Variants in NOL4L observed in about 807,000 individuals in gnomAD.
NOL4L encodes the protein nucleolar protein 4 like, also known as nucleolar protein 4-like.
A neutral mutation model predicts 64.5 loss-of-function variants in NOL4L; 7 were observed. The ratio of observed to expected loss-of-function variants is 0.11; its 90% CI spans 0.06 to 0.20. The LOEUF (loss-of-function observed/expected upper bound fraction) is 0.20. Among genes scored for constraint, NOL4L ranks in the 10% least tolerant of loss-of-function variants. The probability of loss-of-function intolerance (pLI) is 1.00; values close to 1 mark genes in which losing one functional copy is unlikely to be tolerated. For missense variants in NOL4L, 680 were observed against 967.1 expected, an observed-to-expected ratio of 0.70 and a Z score of 3.94; for synonymous variants, 413 against 401.0, an observed-to-expected ratio of 1.03 and a Z score of -0.36.
intron 4 of NOL4L, chr20:32,483,265 CGCA>C: frequency 2.7e-6 from 2 of 738,274 alleles, no homozygotes; most frequent in Non-Finnish European, 3.3e-6. Flanking sequence ...CCCCCCTAAC[CGCA>C]GCTCAACGGC....
intron 10 of NOL4L, among the ~76,000 whole-genome samples, chr20:32,448,774 C>T (rs1354414643): frequency 2.0e-5 from 3 of 152,184 alleles, no homozygotes; most frequent in Non-Finnish European, 4.4e-5. Flanking sequence ...GGGAGGGGAC[C>T]GCCAGGCCCT....
chr20:32,511,430 A>G lies in NOL4L; in HGVS notation c.616T>C (p.Ser206Pro), dbSNP rs1327687607. Residue 206 changes from serine to proline, a missense_variant, in exon 4 of 11, where the codon TCT becomes CCT. Around this residue, in one of 4 missense-constraint regions of NOL4L, gnomAD observed 181 missense variants for 335.2 expected, o/e 0.54. Coordinates refer to ENST00000621426, the MANE Select transcript of NOL4L (RefSeq NM_001256798.2). Reference protein sequence around the residue: ...KENEPPSPLVSGIIDYNMPLT... With the variant: ...KENEPPSPLVPGIIDYNMPLT... ...GGCATGTTGTAATCAATAATCCCAGAGACCAGTGGAGATGGAGGCTCGTTT... is the reference window on the plus strand; with the variant it reads ...GGCATGTTGTAATCAATAATCCCAGGGACCAGTGGAGATGGAGGCTCGTTT... The G allele has an allele frequency of 1.3e-6, 2 of 1,550,286 alleles. No homozygotes were observed. Among genetic ancestry groups the G allele is most frequent in the Non-Finnish European group, 1.7e-6 (2 of 1,146,818 alleles).
rs563159052 is a variant in NOL4L, at chr20:32,453,754, G to T, written c.1127C>A (p.Pro376His). The part of the protein sequence containing the change: ...YGVKTTPESP[P>H]YSSGSYDSIK... The stretch of plus-strand genomic sequence containing the variant: ...GGAATCGTAGCTCCCAGAGCTGTAG[G>T]GGGGGGACTAAAAGGAGGGCAAGAG... Residue 376 changes from proline (P) to histidine (H), a missense_variant, in exon 7 of 11, where the codon CCC becomes CAC. By Grantham distance (77) the Pro-to-His change is moderately conservative. Coordinates refer to ENST00000621426, the MANE Select transcript of NOL4L (RefSeq NM_001256798.2). This position sits in a 1 kb window ranked among gnomAD's most constrained non-coding sequence, Gnocchi z 5.6. 302 of 1,552,926 alleles carry T rather than the reference G, an allele frequency of 1.9e-4. 1 individual carries two copies. The highest frequency in any genetic ancestry group is 8.3e-4 in the Middle Eastern group (5 of 5,992).
At chr20:32,537,044 C>G (rs2018556384) in intron 1 of NOL4L, 1 of 983,898 alleles carries the variant, frequency 1.0e-6, no homozygotes, top group Non-Finnish European at 1.2e-6. Context: ...CGGCTCCCGG[C>G]GCACCTGCCC....
rs564168973 is a variant in NOL4L at position 32,462,903 on chromosome 20, T to TAAAAAAAAAAAAAAAAAAAAAAA, written c.842-6509_842-6508insTTTTTTTTTTTTTTTTTTTTTTT. On this transcript the variant is annotated intron_variant, in intron 5 of 10. Transcript: ENST00000621426. ...CTGGCGACAAAGCGAGACTCTGTCT[T>TAAAAAAAAAAAAAAAAAAAAAAA]AAAAAAAAAAAAAAAAAAAACTGAT... Among the ~76,000 whole-genome samples the TAAAAAAAAAAAAAAAAAAAAAAA allele has an allele frequency of 5.2e-5, 4 of 76,668 alleles. 1 individual carries two copies. The highest frequency in any genetic ancestry group is 1.7e-4 in the Admixed American group (1 of 5,786). The allele number at this position is 76,668 out of a possible 152,430, so 50.3% of individuals were successfully genotyped here.
At position 32,445,512 on chromosome 20, in the gene NOL4L, A is replaced by ATCTT. The variant is rs2012290478; in HGVS notation, c.*2080_*2083dup. On this transcript the variant is annotated 3_prime_UTR_variant, in exon 11 of 11. Coordinates refer to ENST00000621426, the MANE Select transcript of NOL4L (RefSeq NM_001256798.2). ...GCCTGGGGTAACATTTTTGCAAAAG[A>ATCTT]TCTTACTGATTACTTTGTAGTATTG... The ATCTT allele has an allele frequency of 6.6e-6, 1 of 152,202 alleles. No homozygotes were observed. 9.4% of individuals were successfully genotyped at this position (152,202 alleles called of 1,614,324 possible).
At chr20:32,541,046 C>CACACACA (rs1233280602) in intron 1 of NOL4L, among the ~76,000 whole-genome samples, 1 of 150,604 alleles carries the variant, frequency 6.6e-6, no homozygotes, top group African/African-American at 2.5e-5. Flanking sequence ...CACACACACA[C>CACACACA]ACTATTCCCT....
intron 9 of NOL4L, 121 bp from the exon 10 acceptor site, chr20:32,452,558 T>C: frequency 2.1e-6 from 2 of 974,502 alleles, no homozygotes; most frequent in East Asian, 5.4e-5. Flanking sequence ...ATGCTGCGGT[T>C]TGACCTGTGG....
intron 1 of NOL4L, among the ~76,000 whole-genome samples, chr20:32,558,715 T>TG (rs1210658948): frequency 6.6e-6 from 1 of 152,202 alleles, no homozygotes; most frequent in African/African-American, 2.4e-5. Context: ...TCAGCGGTGC[T>TG]GGGCCTGGCC....
chr20:32,462,444 G>A (rs2014155791), intron 5 of NOL4L, among the ~76,000 whole-genome samples: 1 of 152,176 alleles, frequency 6.6e-6, no homozygotes, highest in Non-Finnish European at 1.5e-5. Flanking sequence ...GTGCCCACAG[G>A]AGGGCTCATG....
intron 4 of NOL4L, among the ~76,000 whole-genome samples, chr20:32,485,200 C>T (rs1292433024): frequency 1.3e-5 from 2 of 151,692 alleles, no homozygotes; most frequent in Non-Finnish European, 1.5e-5. Flanking sequence ...CACGGTGGAA[C>T]CAGCAGAGAA....
At chr20:32,473,448 C>T (rs527269281) in intron 5 of NOL4L, among the ~76,000 whole-genome samples, 16 of 152,306 alleles carry the variant, frequency 1.1e-4, no homozygotes, top group Admixed American at 3.3e-4. Flanking sequence ...ACCGACCTCA[C>T]GAGGCATCAA....
chr20:32,492,748 C>T (rs928649322), intron 4 of NOL4L, among the ~76,000 whole-genome samples: 4 of 152,128 alleles, frequency 2.6e-5, no homozygotes, highest in African/African-American at 9.7e-5. Flanking sequence ...TATTCATTTG[C>T]CATTGTGCAC....
intron 1 of NOL4L, among the ~76,000 whole-genome samples, chr20:32,560,874 C>T (rs111777873): frequency 0.035 from 5,383 of 152,368 alleles, 335 homozygotes; most frequent in African/African-American, 0.12. Flanking sequence ...AGGAGCTTAG[C>T]CAGCATCGGC....
chr20:32,454,708 G>A (rs62207971), intron 6 of NOL4L, among the ~76,000 whole-genome samples: 9 of 152,260 alleles, frequency 5.9e-5, no homozygotes, highest in Non-Finnish European at 8.8e-5. Context: ...TTCAGATCGT[G>A]ACTGACAGTA....
intron 2 of NOL4L, among the ~76,000 whole-genome samples, chr20:32,522,850 G>A (rs1949501474): frequency 6.6e-6 from 1 of 152,248 alleles, no homozygotes. Flanking sequence ...AGGGCCCGGG[G>A]GAGGGTTGCA....
chr20:32,494,200 C>G (rs1475430696), intron 4 of NOL4L, among the ~76,000 whole-genome samples: 1 of 128,370 alleles, frequency 7.8e-6, no homozygotes, highest in East Asian at 2.6e-4. Context: ...TTGCAGTGAG[C>G]TGAGATCATG....
intron 5 of NOL4L, among the ~76,000 whole-genome samples, chr20:32,458,038 G>C (rs2013718243): frequency 1.3e-5 from 2 of 152,166 alleles, no homozygotes; most frequent in Admixed American, 1.3e-4. Context: ...TGTGAGAATG[G>C]GGGTGCCCAC....
chr20:32,516,269 C>T (rs1305577612), intron 3 of NOL4L, among the ~76,000 whole-genome samples: 5 of 151,222 alleles, frequency 3.3e-5, no homozygotes, highest in Admixed American at 3.3e-4. Context: ...GGCCTGAGAC[C>T]AGCTCAAAAG....
Sources: gnomAD v4.1 joint callset for allele counts (sites outside exome capture counted in the v4.1 genomes callset) on GRCh38, gnomAD v4.1.1 for gene constraint, gnomAD v4.1.1 regional missense constraint, Gnocchi (gnomAD v3.1) non-coding constraint, MANE v1.5 for transcripts, NCBI Gene and HGNC (gene_info 2026-07-23, HGNC 2026-07-21) for gene names.